Variants in SART3 observed in about 807,000 individuals in gnomAD.
SART3 encodes the protein spliceosome associated factor 3, U4/U6 recycling protein, also known as HIV-1 Tat-interacting protein of 110kDa.
Under a neutral mutation model 122.3 loss-of-function variants are expected in SART3, and 44 were observed. The ratio of observed to expected loss-of-function variants is 0.36; its 90% CI spans 0.28 to 0.46. The LOEUF (loss-of-function observed/expected upper bound fraction) is 0.46. Among genes scored for constraint, SART3 ranks in the 20% least tolerant of loss-of-function variants. The pLI is 1.00. For synonymous variants in SART3, 442 were observed against 454.0 expected, an observed-to-expected ratio of 0.97 and a Z score of 0.34; for missense variants, 1,101 against 1,229.0, an observed-to-expected ratio of 0.90 and a Z score of 1.56.
At chr12:108,535,663 A>C in intron 11 of SART3, 195 bp from the exon 12 acceptor site, 1 of 637,252 alleles carries the variant, frequency 1.6e-6, no homozygotes, top group South Asian at 1.6e-5. Context: ...TGCAGCCACA[A>C]GCTAATCTAC....
At chr12:108,557,763 C>T (rs1209728694) in intron 1 of SART3, among the ~76,000 whole-genome samples, 1 of 152,218 alleles carries the variant, frequency 6.6e-6, no homozygotes, top group Admixed American at 6.5e-5. Context: ...GACAAATCTG[C>T]CGAAGCCACC....
At chr12:108,547,844 T>C (rs770544540) in intron 3 of SART3, 43 bp downstream of exon 3, 66 of 1,406,344 alleles carry the variant, frequency 4.7e-5, no homozygotes, top group Non-Finnish European at 5.8e-5. Context: ...GACTGATATA[T>C]ATGACATTGC....
At chr12:108,550,830 A>C (rs1269510111) in intron 1 of SART3, among the ~76,000 whole-genome samples, 1 of 152,230 alleles carries the variant, frequency 6.6e-6, no homozygotes, top group Non-Finnish European at 1.5e-5. Flanking sequence ...CCTGGGTGAC[A>C]AAACAAGGCT....
Position 108,536,824 on chromosome 12 carries a change from T to C in SART3, c.1310-39A>G, listed in dbSNP as rs1232596266. 3.2e-6 allele frequency: 5 copies of C among 1,567,862 alleles called. No individual in the cohort carries two copies. In the East Asian group the frequency reaches 9.0e-5, roughly 28 times the overall value. ...CAAAAAAAGGCTTTAGGAAACCACA[T>C]AGCCTGGCTTTGTTTTATTTTTTAT... On this transcript the variant is annotated intron_variant, in intron 9 of 18. Coordinates refer to ENST00000546815, the MANE Select transcript of SART3 (RefSeq NM_014706.4).
At position 108,531,288 on chromosome 12, in the gene SART3, G is replaced by C. The variant is rs771595428; in HGVS notation, c.1670-8C>G. ...CCCAATCTTCTAAAGAACCTTGAAA[G>C]AAAGAGAAGCAAAACTTTCACTCTT... On this transcript the variant is annotated splice_region_variant and splice_polypyrimidine_tract_variant and intron_variant, in intron 13 of 18. Coordinates refer to ENST00000546815, the MANE Select transcript of SART3 (RefSeq NM_014706.4). The C allele has an allele frequency of 7.4e-6, 12 of 1,610,998 alleles. No individual in the cohort carries two copies. Among genetic ancestry groups the C allele is most frequent in the African/African-American group, 1.3e-5 (1 of 74,834 alleles).
chr12:108,525,652 A>G, intron 16 of SART3, 43 bp from the exon 17 acceptor site: 2 of 1,604,846 alleles, frequency 1.2e-6, no homozygotes, highest in East Asian at 2.2e-5. Context: ...GATTCGAGGC[A>G]TGACCCAGCT....
intron 1 of SART3, among the ~76,000 whole-genome samples, chr12:108,550,761 C>G (rs767580710): frequency 6.6e-6 from 1 of 152,116 alleles, no homozygotes; most frequent in Non-Finnish European, 1.5e-5. Flanking sequence ...ACTCAGGAGG[C>G]TGAGACAGGA....
intron 13 of SART3, 102 bp downstream of exon 13, chr12:108,532,120 G>T: frequency 1.0e-6 from 1 of 953,578 alleles, no homozygotes; most frequent in Non-Finnish European, 1.7e-6. Context: ...TAAGGTGGCA[G>T]CATAAACACA....
rs551967864 is a variant in SART3 at position 108,527,449 on chromosome 12, T to C, written c.1916-896A>G. 1.4e-3 allele frequency among the ~76,000 whole-genome samples: 213 copies of C among 152,338 alleles called. 1 individual carries two copies. The highest frequency in any genetic ancestry group is 2.7e-3 in the Admixed American group (42 of 15,294). On this transcript the variant is annotated intron_variant, in intron 15 of 18. Transcript: ENST00000546815. ...ATGCCGCATCTCTTCCCCCACAGTC[T>C]TCCTGGTACGAAGTTGACCCACTAG... is the stretch of plus-strand genomic sequence containing the variant.
intron 1 of SART3, among the ~76,000 whole-genome samples, chr12:108,559,686 A>G (rs866592833): frequency 0.017 from 2,122 of 127,376 alleles, 24 homozygotes; most frequent in Non-Finnish European, 0.026. Flanking sequence ...AAAAAAAAAA[A>G]AGAGAGAATG....
chr12:108,559,387 C>T (rs2136700998), intron 1 of SART3, among the ~76,000 whole-genome samples: 1 of 152,264 alleles, frequency 6.6e-6, no homozygotes, highest in South Asian at 2.1e-4. Flanking sequence ...GAATGCGGGC[C>T]GGGCGTAGCG....
At chr12:108,530,442 A>C (rs1872625719) in intron 14 of SART3, 132 bp from the exon 15 acceptor site, 1 of 1,001,626 alleles carries the variant, frequency 1.0e-6, no homozygotes, top group South Asian at 1.4e-5. Flanking sequence ...AAACGTGGAC[A>C]GGCTCACGGC....
intron 1 of SART3, among the ~76,000 whole-genome samples, chr12:108,558,175 T>A (rs6539444): frequency 0.79 from 119,769 of 151,770 alleles, 47,850 homozygotes; most frequent in East Asian, 0.92. Context: ...AAAAAAAAAT[T>A]AATAAACACT....
intron 12 of SART3, 81 bp downstream of exon 12, chr12:108,535,278 A>C: frequency 9.2e-7 from 1 of 1,090,316 alleles, no homozygotes; most frequent in Non-Finnish European, 1.4e-6. Flanking sequence ...AGCTAGTCCA[A>C]GCTGGTAGGA....
Position 108,539,069 on chromosome 12 carries a change from C to G in SART3, c.927G>C (p.Arg309Ser). The change falls in exon 7 of 19, where the codon AGG becomes AGC. Residue 309 changes from arginine to serine, a missense_variant. Physicochemically the swap from Arg to Ser is moderately radical, Grantham distance 110. Coordinates refer to ENST00000546815, the MANE Select transcript of SART3 (RefSeq NM_014706.4). ...EEALLQAEAP[R>S]LAEYQAYIDF... The stretch of plus-strand genomic sequence containing the variant: ...CGATATATGCTTGATATTCTGCCAG[C>G]CTTGGTGCCTCTGCCTGCAACTGGA... 1.9e-6 allele frequency: 3 copies of G among 1,614,162 alleles called. No homozygotes were observed. The highest frequency in any genetic ancestry group is 1.1e-5 in the South Asian group (1 of 91,076).
In SART3 at chr12:108,532,330, G is replaced by A. The variant is rs148367950; in HGVS notation, c.1561C>T (p.His521Tyr). The change falls in exon 13 of 19, where the codon CAT becomes TAT. Residue 521 changes from histidine (H) to tyrosine (Y), a missense_variant. Physicochemically the swap from His to Tyr is moderately conservative, Grantham distance 83 (BLOSUM62 2). Coordinates refer to ENST00000546815, the MANE Select transcript of SART3 (RefSeq NM_014706.4). Reference protein sequence around the residue: ...WLEYYNLERAHGDTQHCRKAL... With the variant: ...WLEYYNLERAYGDTQHCRKAL... ...TTCCGGCAGTGCTGGGTGTCACCAT[G>A]AGCTCTAAGGCAGAAAACAAAAAGT... The A allele has an allele frequency of 1.7e-5, 28 of 1,613,700 alleles. No individual in the cohort carries two copies. Among genetic ancestry groups the A allele is most frequent in the African/African-American group, 1.2e-4 (9 of 74,936 alleles).
chr12:108,544,440 C>T lies in SART3; in HGVS notation c.768G>A (p.Ala256=), dbSNP rs766780723. 7.4e-6 allele frequency: 12 copies of T among 1,614,028 alleles called. No homozygotes were observed. The highest frequency in any genetic ancestry group is 1.7e-5 in the Admixed American group (1 of 60,018). ...AGTTTCTCTTACCATAGAGTGGGATCGCCAACTGTCGCCGGAAAAGACTGT... is the reference window on the plus strand; with the variant it reads ...AGTTTCTCTTACCATAGAGTGGGATTGCCAACTGTCGCCGGAAAAGACTGT... The part of the protein sequence containing the change: ...KVHSLFRRQL[A]IPLYDMEATF... Residue 256 remains alanine, a synonymous_variant, in exon 5 of 19, where the codon GCG becomes GCA. Transcript: ENST00000546815.
intron 15 of SART3, among the ~76,000 whole-genome samples, chr12:108,527,171 T>C (rs1190805259): frequency 6.6e-6 from 1 of 152,178 alleles, no homozygotes; most frequent in Non-Finnish European, 1.5e-5. Flanking sequence ...CAATGCAACG[T>C]AAGCCCTGCA....
chr12:108,532,293 C>T lies in SART3; in HGVS notation c.1598G>A (p.Arg533Gln). Residue 533 changes from arginine (R) to glutamine (Q), a missense_variant, in exon 13 of 19, where the codon CGG becomes CAG. By Grantham distance (43) the Arg-to-Gln change is conservative. This residue lies in a region of SART3 where 885 missense variants were observed against 1,080.1 expected (regional missense o/e 0.82). Transcript: ENST00000546815. ...GTAGTCACTGGTGCACTGGACGGCC[C>T]GGTGCAGAGCCTTCCGGCAGTGCTG... is the stretch of plus-strand genomic sequence containing the variant. ...DTQHCRKALH[R>Q]AVQCTSDYPE... The T allele has an allele frequency of 1.2e-6, 2 of 1,614,108 alleles. No homozygotes were observed. The highest frequency in any genetic ancestry group is 1.7e-6 in the Non-Finnish European group (2 of 1,179,992).
Sources: gnomAD v4.1 joint callset for allele counts (sites outside exome capture counted in the v4.1 genomes callset) on GRCh38, gnomAD v4.1.1 for gene constraint, gnomAD v4.1.1 regional missense constraint, MANE v1.5 for transcripts, NCBI Gene and HGNC (gene_info 2026-07-23, HGNC 2026-07-21) for gene names.